The following GOLGA6L2 variants were observed in gnomAD, a reference collection of about 807,000 sequenced individuals.
GOLGA6L2 encodes the protein golgin A6 family like 2, also known as golgin subfamily A member 6-like protein 2.
A neutral mutation model predicts 35.9 loss-of-function variants in GOLGA6L2; 30 were observed. The observed-to-expected ratio is 0.83, with a 90% CI of 0.62 to 1.13. The LOEUF (loss-of-function observed/expected upper bound fraction) is 1.13, where lower values mean the gene tolerates loss of function less well. GOLGA6L2 is among the 50% of genes most tolerant of loss of function. The pLI is 0.00. For missense variants in GOLGA6L2, 821 were observed against 973.4 expected (o/e 0.84, Z 2.08); for synonymous variants, 297 against 344.0 (o/e 0.86, Z 1.51).
chr15:23,444,615 C>A lies in GOLGA6L2; in HGVS notation c.214-115G>T, dbSNP rs941347388. 5.8e-6 allele frequency: 5 copies of A among 856,398 alleles called. No individual in the cohort carries two copies. The African/African-American group carries it at 8.3e-5, about 14-fold the overall frequency. 53.0% of individuals were successfully genotyped at this position (856,398 alleles called of 1,614,324 possible). ...GATTTTAAAGGGCAACGTTCTCAGACCCAATGGGAACATGAAGTGGTAAAC... is the reference window on the plus strand; with the variant it reads ...GATTTTAAAGGGCAACGTTCTCAGAACCAATGGGAACATGAAGTGGTAAAC... On this transcript the variant is annotated intron_variant, in intron 2 of 7. Transcript: ENST00000567107.
At position 23,443,959 on chromosome 15, in the gene GOLGA6L2, A is replaced by G; in HGVS notation, c.409T>C (p.Ser137Pro). 1 of 1,561,682 alleles carries G rather than the reference A, an allele frequency of 6.4e-7. No homozygotes were observed. Among genetic ancestry groups the G allele is most frequent in the African/African-American group, 1.4e-5 (1 of 74,052 alleles). Reference protein sequence around the residue: ...KFEDGNLGTPSSFNLALSQAF... With the variant: ...KFEDGNLGTPPSFNLALSQAF... ...TGTGAAAGTGCCAGGTTGAAGGATG[A>G]TGGGGTGCCCAGGTTCCCATCTTCA... Residue 137 changes from serine to proline, a missense_variant, in exon 5 of 8, where the codon TCA (serine) becomes CCA (proline). Transcript: ENST00000567107.
chr15:23,443,606 A>G (rs938975777), intron 5 of GOLGA6L2, among the ~76,000 whole-genome samples, 171 bp downstream of exon 5: 6 of 152,190 alleles, frequency 3.9e-5, no homozygotes, highest in South Asian at 2.1e-4. Flanking sequence ...ACTCACCCAC[A>G]GCAGCTGACT....
chr15:23,444,991 G>A (rs1356267901), intron 2 of GOLGA6L2, among the ~76,000 whole-genome samples: 11 of 141,338 alleles, frequency 7.8e-5, no homozygotes, highest in Admixed American at 3.8e-4. Context: ...CTCAGGAAAC[G>A]GAAGCCCAAA....
chr15:23,447,080 C>T lies in GOLGA6L2; in HGVS notation c.84+18G>A, dbSNP rs1278351203. On this transcript the variant is annotated intron_variant, in intron 1 of 7. Transcript: ENST00000567107. ...GGGCTGGGTTGGGGTTGGGGTGCCGCAACCCAGTGAGTTTTACCTTTTTCT... is the reference window on the plus strand; with the variant it reads ...GGGCTGGGTTGGGGTTGGGGTGCCGTAACCCAGTGAGTTTTACCTTTTTCT... 18 of 1,346,228 alleles carry T rather than the reference C, an allele frequency of 1.3e-5. No individual in the cohort carries two copies. Among genetic ancestry groups the T allele is most frequent in the Non-Finnish European group, 1.8e-5 (18 of 995,270 alleles). 83.4% of individuals were successfully genotyped at this position (1,346,228 alleles called of 1,614,324 possible). A position where few individuals can be genotyped will look rare whatever the true frequency, so the allele number is the denominator to read the frequency against.
chr15:23,440,065 C>G lies in GOLGA6L2; in HGVS notation c.2410G>C (p.Ala804Pro). The G allele has an allele frequency of 1.0e-6, 1 of 998,316 alleles. No homozygotes were observed. The highest frequency in any genetic ancestry group is 1.5e-6 in the Non-Finnish European group (1 of 673,650). 61.8% of individuals were successfully genotyped at this position (998,316 alleles called of 1,614,324 possible). ...CCCGCATCTTCTCCTCCTGCTCCCG[C>G]ATCTTCTCCTCCTGCTCCCACATCT... ...GEDVGAGGED[A>P]GAGGEDAGAG... Residue 804 changes from alanine (A) to proline (P), a missense_variant, in exon 8 of 8, where the codon GCG becomes CCG. Physicochemically the swap from Ala to Pro is conservative, Grantham distance 27. Transcript: ENST00000567107.
chr15:23,442,603 T>C, intron 5 of GOLGA6L2, 95 bp from the exon 6 acceptor site: 1 of 1,107,736 alleles, frequency 9.0e-7, no homozygotes, highest in African/African-American at 1.5e-5. Context: ...ACAGTAACAC[T>C]CCCTCACTCT....
chr15:23,444,466 G>A lies in GOLGA6L2; in HGVS notation c.243+5C>T, dbSNP rs761455178. 1.1e-5 allele frequency: 18 copies of A among 1,600,360 alleles called. No homozygotes were observed. Among genetic ancestry groups the A allele is most frequent in the East Asian group, 6.7e-5 (3 of 44,884 alleles). Reference sequence around the variant, plus strand: ...GTCATGTCGTGAGCAAACAAATCACGTTACTTCTTTCAGCTGCGCTCGGTT... The same window carrying A: ...GTCATGTCGTGAGCAAACAAATCACATTACTTCTTTCAGCTGCGCTCGGTT... On this transcript the variant is annotated splice_donor_5th_base_variant and intron_variant, in intron 3 of 7. Transcript: ENST00000567107.
At position 23,442,600 on chromosome 15, in the gene GOLGA6L2, C is replaced by G. The variant is rs1278061768; in HGVS notation, c.592-92G>C. ...CAGCTACACTGATACTCCACAGTAACACTCCCTCACTCTCCATCACACCCG... is the reference window on the plus strand; with the variant it reads ...CAGCTACACTGATACTCCACAGTAAGACTCCCTCACTCTCCATCACACCCG... On this transcript the variant is annotated intron_variant, in intron 5 of 7. Coordinates refer to ENST00000567107, the MANE Select transcript of GOLGA6L2 (RefSeq NM_001304388.2). The G allele has an allele frequency of 1.4e-5, 16 of 1,143,498 alleles. No individual in the cohort carries two copies. The East Asian group carries it at 4.1e-4, about 29-fold the overall frequency. The allele number at this position is 1,143,498 out of a possible 1,614,324, so 70.8% of individuals were successfully genotyped here.
chr15:23,446,605 T>C (rs1886789393), intron 1 of GOLGA6L2, among the ~76,000 whole-genome samples: 2 of 151,910 alleles, frequency 1.3e-5, no homozygotes, highest in South Asian at 2.1e-4. Context: ...CTCTTTGAGG[T>C]TGGGGAGGGG....
chr15:23,447,153 TGGGGA>T lies in GOLGA6L2; in HGVS notation c.24_28del (p.Pro11AspfsTer12). 6.4e-6 allele frequency: 7 copies of T among 1,096,916 alleles called. No individual in the cohort carries two copies. The highest frequency in any genetic ancestry group is 9.0e-6 in the Non-Finnish European group (7 of 780,920). 67.9% of individuals were successfully genotyped at this position (1,096,916 alleles called of 1,614,324 possible). A position where few individuals can be genotyped will look rare whatever the true frequency, so the allele number is the denominator to read the frequency against. On this transcript the variant is annotated frameshift_variant, in exon 1 of 8. Coordinates refer to ENST00000567107, the MANE Select transcript of GOLGA6L2 (RefSeq NM_001304388.2). LOFTEE classifies it high-confidence loss of function. ...TCTGGTTTTTTCTGACATCATGGGG[TGGGGA>T]GGGAGGTGGGGTTGGGGCCACATCA...
At chr15:23,444,553 C>G in intron 2 of GOLGA6L2, 53 bp from the exon 3 acceptor site, 5 of 1,557,236 alleles carry the variant, frequency 3.2e-6, no homozygotes, top group Non-Finnish European at 4.4e-6. Context: ...GGACTCTATT[C>G]CCCAGGCCAG....
chr15:23,442,500 C>T lies in GOLGA6L2; in HGVS notation c.600G>A (p.Glu200=). 2.5e-6 allele frequency: 4 copies of T among 1,593,252 alleles called. No homozygotes were observed. Among genetic ancestry groups the T allele is most frequent in the South Asian group, 1.1e-5 (1 of 89,726 alleles). ...TWHKKADRYI[E]ELTKERDALS... ...GGGCGTCCCTCTCCTTTGTTAACTC[C>T]TCGATGTACTGCAAATAGAGAAAGG... The change falls in exon 6 of 8, where the codon GAG becomes GAA. Residue 200 remains glutamate (E), a synonymous_variant. Coordinates refer to ENST00000567107, the MANE Select transcript of GOLGA6L2 (RefSeq NM_001304388.2).
intron 1 of GOLGA6L2, among the ~76,000 whole-genome samples, chr15:23,446,156 C>T (rs910922428): frequency 2.0e-5 from 3 of 152,082 alleles, no homozygotes; most frequent in Non-Finnish European, 4.4e-5. Flanking sequence ...GCAATCTGGT[C>T]CCAGAACCAT....
In GOLGA6L2 at chr15:23,441,620, T is replaced by C. The variant is rs1389793943; in HGVS notation, c.855A>G (p.Glu285=). 1.3e-6 allele frequency: 2 copies of C among 1,546,046 alleles called. No individual in the cohort carries two copies. The highest frequency in any genetic ancestry group is 1.7e-6 in the Non-Finnish European group (2 of 1,145,354). ...WRQEEELREQ[E]KKIRKQEEKM... is the part of the protein sequence containing the mutation. ...TCTCCTCCTGCTTCCGTATCTTCTT[T>C]TCCTGCTCCCGTAGCTCCTCCTCCT... The change falls in exon 8 of 8, where the codon GAA becomes GAG. Residue 285 remains glutamate, a synonymous_variant. Transcript: ENST00000567107.
At chr15:23,442,285 T>G (rs1366016148) in intron 6 of GOLGA6L2, among the ~76,000 whole-genome samples, 165 bp from the exon 7 acceptor site, 8 of 152,090 alleles carry the variant, frequency 5.3e-5, no homozygotes, top group African/African-American at 1.9e-4. Flanking sequence ...ATGAGTTGCC[T>G]GAGGCTACCC....
Position 23,439,463 on chromosome 15 carries a change from TTCAAG to T in GOLGA6L2, c.*277_*281del. 11 of 670,014 alleles carry T rather than the reference TTCAAG, an allele frequency of 1.6e-5. No homozygotes were observed. The highest frequency in any genetic ancestry group is 3.4e-5 in the Admixed American group (1 of 29,192). 41.5% of individuals were successfully genotyped at this position (670,014 alleles called of 1,614,324 possible). ...TTTTCTTTTCTTTTTTTTTTTTTTT[TTCAAG>T]TTTGTGCTCAGACTATATTCACACA... On this transcript the variant is annotated 3_prime_UTR_variant, in exon 8 of 8. Transcript: ENST00000567107.
Position 23,443,842 on chromosome 15 carries a change from G to T in GOLGA6L2, c.526C>A (p.His176Asn), listed in dbSNP as rs972127286. The T allele has an allele frequency of 6.5e-7, 1 of 1,540,596 alleles. No individual in the cohort carries two copies. The highest frequency in any genetic ancestry group is 8.7e-7 in the Non-Finnish European group (1 of 1,149,444). Residue 176 changes from histidine to asparagine, a missense_variant, in exon 5 of 8, where the codon CAC becomes AAC. Around this residue, in one of 7 missense-constraint regions of GOLGA6L2, gnomAD observed 614 missense variants for 632.3 expected, o/e 0.97. Coordinates refer to ENST00000567107, the MANE Select transcript of GOLGA6L2 (RefSeq NM_001304388.2). ...GCCCGCTGTAACTCTCCTGCAAAGT[G>T]CCAGGAATGATGCAAGCGGCCGGCG... Reference protein sequence around the residue: ...DLAGRLHHSWHFAGELQRALS... With the variant: ...DLAGRLHHSWNFAGELQRALS...
intron 1 of GOLGA6L2, among the ~76,000 whole-genome samples, 159 bp downstream of exon 1, chr15:23,446,939 G>A (rs1189594752): frequency 2.0e-5 from 3 of 151,940 alleles, no homozygotes; most frequent in Non-Finnish European, 1.5e-5. Context: ...GAGGGGGTGG[G>A]GCTGGCTGAG....
At position 23,441,259 on chromosome 15, in the gene GOLGA6L2, G is replaced by A. The variant is rs1473868462; in HGVS notation, c.1216C>T (p.Leu406=). The change falls in exon 8 of 8, where the codon CTA becomes TTA. Residue 406 remains leucine (L), a synonymous_variant. Coordinates refer to ENST00000567107, the MANE Select transcript of GOLGA6L2 (RefSeq NM_001304388.2). ...EERMWEQDER[L]REKEERMREQ... is the part of the protein sequence containing the mutation. ...CGCATCCTCTCCTCCTTCTCCCGTA[G>A]CCTCTCGTCCTGCTCCCACATCCTC... 33 of 1,530,104 alleles carry A rather than the reference G, an allele frequency of 2.2e-5. No homozygotes were observed. In the Middle Eastern group the frequency reaches 8.5e-4, roughly 39 times the overall value. The allele number at this position is 1,530,104 out of a possible 1,614,324, so 94.8% of individuals were successfully genotyped here.
Sources: gnomAD v4.1 joint callset for allele counts (sites outside exome capture counted in the v4.1 genomes callset) on GRCh38, gnomAD v4.1.1 for gene constraint, gnomAD v4.1.1 regional missense constraint, MANE v1.5 for transcripts, NCBI Gene and HGNC (gene_info 2026-07-23, HGNC 2026-07-21) for gene names.